The following IGSF3 variants were observed in gnomAD, a reference collection of about 807,000 sequenced individuals.
IGSF3 encodes glu-Trp-Ile EWI motif-containing protein 3.
IGSF3 carries 23 observed loss-of-function variants against 114.4 expected under a neutral mutation model. The observed-to-expected ratio is 0.20, with a 90% CI of 0.14 to 0.28. The LOEUF is 0.28. Among genes scored for constraint, IGSF3 ranks in the 10% least tolerant of loss-of-function variants. The pLI is 1.00. For synonymous variants in IGSF3, 571 were observed against 645.2 expected (o/e 0.88, Z 1.74); for missense variants, 1,172 against 1,591.5 (o/e 0.74, Z 4.48).
At chr1:116,646,003 T>C (rs1648352501) in intron 2 of IGSF3, among the ~76,000 whole-genome samples, 1 of 152,162 alleles carries the variant, frequency 6.6e-6, no homozygotes, top group Admixed American at 6.5e-5. Flanking sequence ...CAGGGCCGAA[T>C]TGCTGCTGAT....
chr1:116,631,993 C>T (rs1161454818), intron 2 of IGSF3, among the ~76,000 whole-genome samples: 4 of 152,188 alleles, frequency 2.6e-5, no homozygotes. Flanking sequence ...AAGCTCCACT[C>T]GCCACAAAGT....
At position 116,666,498 on chromosome 1, in the gene IGSF3, A is replaced by G; in HGVS notation, c.-172T>C. ...AGATCAGAAGGAGGGAGTTGGGGGG[A>G]AGGGGAGGAGTGGAGGCAAGTGTGA... is the stretch of plus-strand genomic sequence containing the variant. On this transcript the variant is annotated 5_prime_UTR_variant, in exon 2 of 11. Transcript: ENST00000369486. 1 of 665,488 alleles carries G rather than the reference A, an allele frequency of 1.5e-6. No individual in the cohort carries two copies. The highest frequency in any genetic ancestry group is 2.6e-5 in the Admixed American group (1 of 38,560). 41.2% of individuals were successfully genotyped at this position (665,488 alleles called of 1,614,324 possible).
In IGSF3 at chr1:116,632,245, G is replaced by A. The variant is rs115235391; in HGVS notation, c.44-15788C>T. On this transcript the variant is annotated intron_variant, in intron 2 of 10. Coordinates refer to ENST00000369486, the MANE Select transcript of IGSF3 (RefSeq NM_001007237.3). The surrounding 1 kb of genome is among the most constrained non-coding windows in gnomAD (Gnocchi z 5.1). Reference sequence around the variant, plus strand: ...GATTTAAAATACTTGCATGGTAATCGAAACCAGAAAATGCTGACCATCCCC... The same window carrying A: ...GATTTAAAATACTTGCATGGTAATCAAAACCAGAAAATGCTGACCATCCCC... 0.024 allele frequency among the ~76,000 whole-genome samples: 3,724 copies of A among 152,226 alleles called. 147 individuals are homozygous for A. Among genetic ancestry groups the A allele is most frequent in the African/African-American group, 0.085 (3,528 of 41,508 alleles).
At chr1:116,587,428 C>T (rs201494721) in intron 8 of IGSF3, among the ~76,000 whole-genome samples, 4 of 152,070 alleles carry the variant, frequency 2.6e-5, no homozygotes, top group Admixed American at 6.5e-5. Flanking sequence ...TCCCCCTTCA[C>T]GGAAGAGCAA....
In IGSF3 at chr1:116,632,325, T is replaced by G. The variant is rs1333891392; in HGVS notation, c.44-15868A>C. On this transcript the variant is annotated intron_variant, in intron 2 of 10. Transcript: ENST00000369486. The surrounding 1 kb of genome is among the most constrained non-coding windows in gnomAD (Gnocchi z 5.1). ...AACAGGAGTTATCAGTTGCTTTTTG[T>G]GCACAGCCAGATGAGATATGGATCT... Among the ~76,000 whole-genome samples the G allele has an allele frequency of 6.6e-6, 1 of 152,100 alleles. No homozygotes were observed. Among genetic ancestry groups the G allele is most frequent in the African/African-American group, 2.4e-5 (1 of 41,416 alleles).
At chr1:116,645,158 G>C (rs1053118637) in intron 2 of IGSF3, among the ~76,000 whole-genome samples, 1 of 152,182 alleles carries the variant, frequency 6.6e-6, no homozygotes, top group Non-Finnish European at 1.5e-5. Context: ...TCCATAAAAC[G>C]GAACACTACT....
In IGSF3 at chr1:116,589,208, G is replaced by C; in HGVS notation, c.2030-104C>G. 1.0e-6 allele frequency: 1 copy of C among 963,172 alleles called. No individual in the cohort carries two copies. The highest frequency in any genetic ancestry group is 1.6e-6 in the Non-Finnish European group (1 of 638,190). 59.7% of individuals were successfully genotyped at this position (963,172 alleles called of 1,614,324 possible). ...GTTTCCTCCAGCACAGTTCCTGGGGGATTTAACACCGACTGGCTTCAGTGT... is the reference window on the plus strand; with the variant it reads ...GTTTCCTCCAGCACAGTTCCTGGGGCATTTAACACCGACTGGCTTCAGTGT... On this transcript the variant is annotated intron_variant, in intron 7 of 10. Transcript: ENST00000369486. The surrounding 1 kb of genome is among the most constrained non-coding windows in gnomAD (Gnocchi z 5.7).
At position 116,597,809 on chromosome 1, in the gene IGSF3, A is replaced by T. The variant is rs545250822; in HGVS notation, c.2029+2132T>A. Among the ~76,000 whole-genome samples, 4 of 152,336 alleles carry T rather than the reference A, an allele frequency of 2.6e-5. No individual in the cohort carries two copies. The South Asian group carries it at 8.3e-4, about 32-fold the overall frequency. On this transcript the variant is annotated intron_variant, in intron 7 of 10. Coordinates refer to ENST00000369486, the MANE Select transcript of IGSF3 (RefSeq NM_001007237.3). ...ATACCTGGGCTCCAATCTCAGTTCA[A>T]ATCTCAGTTTTGCCACTTAACCAGC...
rs1243200435 is a variant in IGSF3, at chr1:116,657,353, C to T, written c.43+8931G>A. On this transcript the variant is annotated intron_variant, in intron 2 of 10. Transcript: ENST00000369486. The surrounding 1 kb of genome is among the most constrained non-coding windows in gnomAD (Gnocchi z 4.2). ...CCCAGGTTATCCAAGGTTCCTAAGG[C>T]CCAAAGCAGCACATGGGGTTGGGAA... Among the ~76,000 whole-genome samples, 1 of 152,110 alleles carries T rather than the reference C, an allele frequency of 6.6e-6. No individual in the cohort carries two copies. The highest frequency in any genetic ancestry group is 1.5e-5 in the Non-Finnish European group (1 of 68,038).
intron 9 of IGSF3, among the ~76,000 whole-genome samples, chr1:116,581,320 C>CTTTTTTT (rs955415319): frequency 1.4e-5 from 1 of 70,592 alleles, no homozygotes; most frequent in African/African-American, 5.3e-5. Context: ...GTTTTGCTGT[C>CTTTTTTT]TTTTTTTTTT....
rs1659355380 is a variant in IGSF3, at chr1:116,576,642, C to G, written c.*670G>C. The G allele has an allele frequency of 6.5e-6, 1 of 152,680 alleles. No individual in the cohort carries two copies. The highest frequency in any genetic ancestry group is 2.4e-5 in the African/African-American group (1 of 41,450). The allele number at this position is 152,680 out of a possible 1,614,324, so 9.5% of individuals were successfully genotyped here. A position where few individuals can be genotyped will look rare whatever the true frequency, so the allele number is the denominator to read the frequency against. ...CTCCTAATGGGGTTATGCAGGATTT[C>G]TCTTGTACATACACAGTTCTTTGAA... is the stretch of plus-strand genomic sequence containing the variant. On this transcript the variant is annotated 3_prime_UTR_variant, in exon 11 of 11. Transcript: ENST00000369486. This position sits in a 1 kb window ranked among gnomAD's most constrained non-coding sequence, Gnocchi z 4.6.
chr1:116,648,826 C>T lies in IGSF3; in HGVS notation c.43+17458G>A, dbSNP rs1648512527. ...CCCAAACATTCTCCTCTGCAAGGCA[C>T]TTGGCATTCTGGTGCCTGTGGAGAG... On this transcript the variant is annotated intron_variant, in intron 2 of 10. Coordinates refer to ENST00000369486, the MANE Select transcript of IGSF3 (RefSeq NM_001007237.3). This position sits in a 1 kb window ranked among gnomAD's most constrained non-coding sequence, Gnocchi z 4.7. Among the ~76,000 whole-genome samples, 1 of 152,196 alleles carries T rather than the reference C, an allele frequency of 6.6e-6. No homozygotes were observed. The highest frequency in any genetic ancestry group is 1.5e-5 in the Non-Finnish European group (1 of 68,042).
rs183120374 is a variant in IGSF3, at chr1:116,614,513, T to C, written c.422-338A>G. Among the ~76,000 whole-genome samples the C allele has an allele frequency of 2.7e-4, 41 of 152,362 alleles. 1 individual carries two copies. Among genetic ancestry groups the C allele is most frequent in the African/African-American group, 9.1e-4 (38 of 41,580 alleles). The stretch of plus-strand genomic sequence containing the variant: ...CTTATAGGTCAAATAACATTTGCTG[T>C]TGATTCTGGCACTTCTCTGAGATAC... On this transcript the variant is annotated intron_variant, in intron 3 of 10. Coordinates refer to ENST00000369486, the MANE Select transcript of IGSF3 (RefSeq NM_001007237.3). This position sits in a 1 kb window ranked among gnomAD's most constrained non-coding sequence, Gnocchi z 4.5.
chr1:116,637,336 C>T (rs548279778), intron 2 of IGSF3, among the ~76,000 whole-genome samples: 1 of 152,308 alleles, frequency 6.6e-6, no homozygotes, highest in Admixed American at 6.5e-5. Flanking sequence ...CAATGGACAA[C>T]AGGTGAGCAC....
At chr1:116,652,336 T>G (rs1338020112) in intron 2 of IGSF3, among the ~76,000 whole-genome samples, 1 of 152,264 alleles carries the variant, frequency 6.6e-6, no homozygotes, top group Non-Finnish European at 1.5e-5. Flanking sequence ...AGGATCTTTA[T>G]TAGGCATTCT....
rs1661069624 is a variant in IGSF3, at chr1:116,612,708, C to T, written c.832+1057G>A. ...CCACACTCACTCACCAGAACCACCA[C>T]AGTCCTCACCAGAAGTGAGCTTCCG... On this transcript the variant is annotated intron_variant, in intron 4 of 10. Transcript: ENST00000369486. The surrounding 1 kb of genome is among the most constrained non-coding windows in gnomAD (Gnocchi z 4.1). 6.6e-6 allele frequency among the ~76,000 whole-genome samples: 1 copy of T among 152,272 alleles called. No individual in the cohort carries two copies. Among genetic ancestry groups the T allele is most frequent in the Non-Finnish European group, 1.5e-5 (1 of 68,048 alleles).
Position 116,610,600 on chromosome 1 carries a change from T to G in IGSF3, c.833-2269A>C, listed in dbSNP as rs1660983629. 6.6e-6 allele frequency among the ~76,000 whole-genome samples: 1 copy of G among 152,138 alleles called. No homozygotes were observed. The highest frequency in any genetic ancestry group is 6.5e-5 in the Admixed American group (1 of 15,284). ...CCTACCCCCATCCTAACCAAAGGCTTTCCTCAAGCAGGTTGAGGCCTCTGA... is the reference window on the plus strand; with the variant it reads ...CCTACCCCCATCCTAACCAAAGGCTGTCCTCAAGCAGGTTGAGGCCTCTGA... On this transcript the variant is annotated intron_variant, in intron 4 of 10. Transcript: ENST00000369486. The surrounding 1 kb of genome is among the most constrained non-coding windows in gnomAD (Gnocchi z 4.3).
rs1377680314 is a variant in IGSF3 at position 116,600,773 on chromosome 1, C to G, written c.1625-428G>C. Among the ~76,000 whole-genome samples the G allele has an allele frequency of 1.3e-5, 2 of 152,156 alleles. No homozygotes were observed. Among genetic ancestry groups the G allele is most frequent in the East Asian group, 3.8e-4 (2 of 5,196 alleles). ...AAAACACAACCACACAGCCCCAACA[C>G]CACTTTTCCTGGTCCCTTAGCGCAC... On this transcript the variant is annotated intron_variant, in intron 6 of 10. Transcript: ENST00000369486. The surrounding 1 kb of genome is among the most constrained non-coding windows in gnomAD (Gnocchi z 5.5).
intron 2 of IGSF3, among the ~76,000 whole-genome samples, chr1:116,621,187 T>C (rs1446711691): frequency 2.0e-5 from 3 of 152,174 alleles, no homozygotes; most frequent in African/African-American, 7.2e-5. Flanking sequence ...CCCCTTCACC[T>C]TCCACCATGA....
Sources: gnomAD v4.1 joint callset for allele counts (sites outside exome capture counted in the v4.1 genomes callset) on GRCh38, gnomAD v4.1.1 for gene constraint, Gnocchi (gnomAD v3.1) non-coding constraint, MANE v1.5 for transcripts, NCBI Gene and HGNC (gene_info 2026-07-23, HGNC 2026-07-21) for gene names.